The following CELSR1 variants were observed in gnomAD, a reference collection of about 807,000 sequenced individuals.
CELSR1 encodes cadherin EGF LAG seven-pass G-type receptor 1, also known as adhesion G protein-coupled receptor C1.
In CELSR1, 110 loss-of-function variants were observed where a neutral mutation model predicts 249.1. That is an observed-to-expected ratio of 0.44 (90% CI 0.38 to 0.52). CELSR1 has a LOEUF of 0.52. Ranked by LOEUF, CELSR1 falls within the 20% of genes least tolerant of loss-of-function variation. The pLI is 0.00. For synonymous variants in CELSR1, 2,113 were observed against 1,900.0 expected (o/e 1.11, Z -2.92); for missense variants, 4,109 against 4,296.4 (o/e 0.96, Z 1.22).
chr22:46,491,231 A>C (rs2147698024), intron 1 of CELSR1, among the ~76,000 whole-genome samples: 2 of 149,980 alleles, frequency 1.3e-5, no homozygotes, highest in South Asian at 4.2e-4. Flanking sequence ...TCTGAGTGCC[A>C]CTATACTAAA....
chr22:46,511,640 G>A (rs945292799), intron 1 of CELSR1, among the ~76,000 whole-genome samples: 1 of 152,212 alleles, frequency 6.6e-6, no homozygotes, highest in Non-Finnish European at 1.5e-5. Flanking sequence ...GGGGCTGACA[G>A]CGCCAACACC....
At position 46,447,249 on chromosome 22, in the gene CELSR1, CTG is replaced by C. The variant is rs2079831455; in HGVS notation, c.4184-7840_4184-7839del. ...GTAAATAGGTCAAATTTAGTGAGCT[CTG>C]TGTCTTTTAGCTCTGTATCTTTTAT... On this transcript the variant is annotated intron_variant, in intron 2 of 34. Transcript: ENST00000674500. This position sits in a 1 kb window ranked among gnomAD's most constrained non-coding sequence, Gnocchi z 4.7. Among the ~76,000 whole-genome samples, 2 of 152,142 alleles carry C rather than the reference CTG, an allele frequency of 1.3e-5. No individual in the cohort carries two copies. Among genetic ancestry groups the C allele is most frequent in the Non-Finnish European group, 2.9e-5 (2 of 68,014 alleles).
At chr22:46,531,621 C>A (rs536439401) in intron 1 of CELSR1, among the ~76,000 whole-genome samples, 2 of 152,324 alleles carry the variant, frequency 1.3e-5, no homozygotes, top group South Asian at 4.1e-4. Context: ...CTGCTTTCTG[C>A]GGATCGTGGT....
At chr22:46,418,746 A>G (rs536030342) in intron 5 of CELSR1, among the ~76,000 whole-genome samples, 16 of 152,236 alleles carry the variant, frequency 1.1e-4, no homozygotes, top group African/African-American at 3.9e-4. Context: ...GAGCATTAGA[A>G]AAGTTTTCAA....
At chr22:46,383,047 G>C (rs529697358) in intron 20 of CELSR1, among the ~76,000 whole-genome samples, 64 of 152,282 alleles carry the variant, frequency 4.2e-4, no homozygotes, top group African/African-American at 1.5e-3. Context: ...AAATCGGCCT[G>C]GTCGGAGGTG....
At chr22:46,502,779 GACTC>G (rs922391547) in intron 1 of CELSR1, among the ~76,000 whole-genome samples, 76 of 152,220 alleles carry the variant, frequency 5.0e-4, no homozygotes, top group South Asian at 1.5e-3. Context: ...ACACTCTCCT[GACTC>G]TCTCTAACTG....
intron 2 of CELSR1, among the ~76,000 whole-genome samples, chr22:46,450,028 C>T (rs971050105): frequency 4.6e-5 from 7 of 152,084 alleles, no homozygotes; most frequent in African/African-American, 1.2e-4. Context: ...GCAGTGGAGG[C>T]AGAGCCCCAG....
At position 46,363,817 on chromosome 22, in the gene CELSR1, G is replaced by A. The variant is rs539193185; in HGVS notation, c.9035+179C>T. 3 of 801,936 alleles carry A rather than the reference G, an allele frequency of 3.7e-6. No homozygotes were observed. The highest frequency in any genetic ancestry group is 5.6e-6 in the Non-Finnish European group (3 of 532,326). 49.7% of individuals were successfully genotyped at this position (801,936 alleles called of 1,614,324 possible). A position where few individuals can be genotyped will look rare whatever the true frequency, so the allele number is the denominator to read the frequency against. Reference sequence around the variant, plus strand: ...GATAGGGGGTCTGCCCATCTCCGGGGTATCCTCCTGACCTCAGCTGCAGCG... The same window carrying A: ...GATAGGGGGTCTGCCCATCTCCGGGATATCCTCCTGACCTCAGCTGCAGCG... On this transcript the variant is annotated intron_variant, in intron 34 of 34. Transcript: ENST00000674500. The surrounding 1 kb of genome is among the most constrained non-coding windows in gnomAD (Gnocchi z 4.3).
chr22:46,531,776 TAA>T (rs1429920135), intron 1 of CELSR1, among the ~76,000 whole-genome samples: 2 of 151,828 alleles, frequency 1.3e-5, no homozygotes, highest in Admixed American at 1.3e-4. Flanking sequence ...AGAGCGCAAA[TAA>T]AAGAGTAAAG....
At position 46,445,933 on chromosome 22, in the gene CELSR1, A is replaced by ATC. The variant is rs2079814354; in HGVS notation, c.4184-6523_4184-6522insGA. 6.6e-6 allele frequency among the ~76,000 whole-genome samples: 1 copy of ATC among 152,082 alleles called. No homozygotes were observed. Among genetic ancestry groups the ATC allele is most frequent in the Non-Finnish European group, 1.5e-5 (1 of 67,996 alleles). On this transcript the variant is annotated intron_variant, in intron 2 of 34. Coordinates refer to ENST00000674500, the MANE Select transcript of CELSR1 (RefSeq NM_001378328.1). The surrounding 1 kb of genome is among the most constrained non-coding windows in gnomAD (Gnocchi z 4.4). Reference sequence around the variant, plus strand: ...TCCTGCCTCCAGCAGCCCCCTGCACAGCCACAAGCCCCCTCGCCTCGCGGC... The same window carrying ATC: ...TCCTGCCTCCAGCAGCCCCCTGCACATCGCCACAAGCCCCCTCGCCTCGCGGC...
In CELSR1 at chr22:46,398,502, GC is replaced by G; in HGVS notation, c.5526+21del. 3.6e-6 allele frequency: 3 copies of G among 833,874 alleles called. No homozygotes were observed. The highest frequency in any genetic ancestry group is 1.4e-5 in the South Asian group (1 of 69,678). The allele number at this position is 833,874 out of a possible 1,614,324, so 51.7% of individuals were successfully genotyped here. On this transcript the variant is annotated intron_variant, in intron 11 of 34. Transcript: ENST00000674500. The surrounding 1 kb of genome is among the most constrained non-coding windows in gnomAD (Gnocchi z 7.2). The stretch of plus-strand genomic sequence containing the variant: ...GCCTGTGAGGGGCAGGCCTCCCCCC[GC>G]CCCCCACAACCCCCACGCACCTGCA...
In CELSR1 at chr22:46,379,139, G is replaced by A. The variant is rs149259855; in HGVS notation, c.7257-422C>T. 3.4e-3 allele frequency among the ~76,000 whole-genome samples: 523 copies of A among 152,304 alleles called. 6 individuals are homozygous for A. Among genetic ancestry groups the A allele is most frequent in the African/African-American group, 0.012 (483 of 41,562 alleles). Reference sequence around the variant, plus strand: ...GTTCACACAGCTGCGATGCGGTCCCGTCTCCTTCTGAGGGCAGACGCTCTC... The same window carrying A: ...GTTCACACAGCTGCGATGCGGTCCCATCTCCTTCTGAGGGCAGACGCTCTC... On this transcript the variant is annotated intron_variant, in intron 22 of 34. Transcript: ENST00000674500.
At chr22:46,483,805 G>T (rs940952464) in intron 1 of CELSR1, among the ~76,000 whole-genome samples, 1 of 152,130 alleles carries the variant, frequency 6.6e-6, no homozygotes, top group Non-Finnish European at 1.5e-5. Context: ...GTAGAGTGAG[G>T]CCTGCAGTCT....
chr22:46,449,121 C>A (rs1192620260), intron 2 of CELSR1, among the ~76,000 whole-genome samples: 1 of 151,376 alleles, frequency 6.6e-6, no homozygotes, highest in Admixed American at 6.6e-5. Flanking sequence ...GTTCATCCAC[C>A]CACCCACCCA....
At chr22:46,416,084 G>A (rs1377453565) in intron 5 of CELSR1, among the ~76,000 whole-genome samples, 3 of 140,608 alleles carry the variant, frequency 2.1e-5, no homozygotes, top group South Asian at 2.1e-4. Context: ...CACAGCTGAC[G>A]ATGAATGGTA....
intron 29 of CELSR1, 146 bp downstream of exon 29, chr22:46,366,847 C>T: frequency 8.4e-7 from 1 of 1,190,166 alleles, no homozygotes; most frequent in Non-Finnish European, 1.1e-6. Context: ...GACGCGGCAG[C>T]CACACCGTGC....
At chr22:46,451,111 T>G (rs561251691) in intron 2 of CELSR1, among the ~76,000 whole-genome samples, 2 of 151,908 alleles carry the variant, frequency 1.3e-5, no homozygotes, top group African/African-American at 4.8e-5. Flanking sequence ...CGTCTGCCCT[T>G]GGGTTTCACG....
chr22:46,456,552 A>G (rs2079953222), intron 2 of CELSR1, among the ~76,000 whole-genome samples: 1 of 150,518 alleles, frequency 6.6e-6, no homozygotes. Context: ...AGTCCCAGCT[A>G]CTCGGGAGGC....
At position 46,362,649 on chromosome 22, in the gene CELSR1, A is replaced by G. The variant is rs888756389; in HGVS notation, c.*574T>C. On this transcript the variant is annotated 3_prime_UTR_variant, in exon 35 of 35. Transcript: ENST00000674500. ...ATGGATCTCTCGGGATAACAAAGTC[A>G]GCACGAATGCAATATATATACAGGT... is the stretch of plus-strand genomic sequence containing the variant. The G allele has an allele frequency of 1.3e-5, 2 of 154,178 alleles. No individual in the cohort carries two copies. Among genetic ancestry groups the G allele is most frequent in the African/African-American group, 4.8e-5 (2 of 41,520 alleles). The allele number at this position is 154,178 out of a possible 1,614,324, so 9.6% of individuals were successfully genotyped here.
Sources: gnomAD v4.1 joint callset for allele counts (sites outside exome capture counted in the v4.1 genomes callset) on GRCh38, gnomAD v4.1.1 for gene constraint, Gnocchi (gnomAD v3.1) non-coding constraint, MANE v1.5 for transcripts, NCBI Gene and HGNC (gene_info 2026-07-23, HGNC 2026-07-21) for gene names.